The following MSH4 variants were observed in gnomAD, a reference collection of about 807,000 sequenced individuals.
MSH4 encodes the protein mutS homolog 4.
A neutral mutation model predicts 113.7 loss-of-function variants in MSH4; 106 were observed. The observed-to-expected ratio is 0.93, with a 90% CI of 0.80 to 1.10. MSH4 has a LOEUF of 1.10. MSH4 is among the 50% of genes least tolerant of loss of function. The pLI, the probability that MSH4 is intolerant of heterozygous loss-of-function variation, is 0.00. For synonymous variants in MSH4, 368 were observed against 380.2 expected (o/e 0.97, Z 0.37); for missense variants, 1,061 against 1,093.7 (o/e 0.97, Z 0.42).
intron 6 of MSH4, among the ~76,000 whole-genome samples, chr1:75,817,359 T>C (rs574827811): frequency 1.3e-5 from 1 of 77,140 alleles, no homozygotes; most frequent in East Asian, 3.3e-4. Context: ...CATTAGGTTA[T>C]AGGTTAAAAT....
At chr1:75,862,248 G>A (rs115243667) in intron 8 of MSH4, among the ~76,000 whole-genome samples, 2,777 of 152,306 alleles carry the variant, frequency 0.018, 50 homozygotes, top group Non-Finnish European at 0.03. Flanking sequence ...TCCGGGTGAG[G>A]TGATGCCCTG....
intron 5 of MSH4, among the ~76,000 whole-genome samples, chr1:75,815,862 C>T (rs1454763474): frequency 2.0e-5 from 3 of 151,878 alleles, no homozygotes; most frequent in African/African-American, 7.3e-5. Flanking sequence ...ACAAAAATTA[C>T]CTGGGTGTGG....
intron 15 of MSH4, among the ~76,000 whole-genome samples, chr1:75,884,676 GAT>G (rs1182924164): frequency 6.6e-6 from 1 of 151,930 alleles, no homozygotes; most frequent in Non-Finnish European, 1.5e-5. Flanking sequence ...TTGAGCCCAA[GAT>G]ACTAGTAGTG....
intron 17 of MSH4, among the ~76,000 whole-genome samples, chr1:75,894,167 C>G (rs1314427497): frequency 6.6e-6 from 1 of 152,130 alleles, no homozygotes; most frequent in Non-Finnish European, 1.5e-5. Context: ...ACTGCAGGCA[C>G]TGAATTGGGA....
intron 4 of MSH4, 86 bp from the exon 5 acceptor site, chr1:75,814,935 A>G: frequency 1.4e-6 from 1 of 696,608 alleles, no homozygotes; most frequent in Non-Finnish European, 2.5e-6. Context: ...TATTTAAGCC[A>G]CTTACCTAGC....
intron 15 of MSH4, among the ~76,000 whole-genome samples, chr1:75,884,391 A>G (rs1188308262): frequency 6.6e-6 from 1 of 152,064 alleles, no homozygotes; most frequent in Non-Finnish European, 1.5e-5. Context: ...CTTAACTCCT[A>G]ATTCTGAAAA....
intron 2 of MSH4, among the ~76,000 whole-genome samples, chr1:75,805,919 A>C (rs988177131): frequency 5.9e-5 from 9 of 152,132 alleles, no homozygotes; most frequent in Middle Eastern, 3.4e-3. Context: ...GTATTGGTTA[A>C]TTTATTGGTT....
rs766668717 is a variant in MSH4, at chr1:75,797,168, C to G, written c.183C>G (p.Gly61=). 6.2e-7 allele frequency: 1 copy of G among 1,611,108 alleles called. No individual in the cohort carries two copies. Among genetic ancestry groups the G allele is most frequent in the Middle Eastern group, 1.7e-4 (1 of 6,052 alleles). ...STCPGTSGAA[G]DRSSSSSSLP... is the part of the protein sequence containing the mutation. ...GTCCTGGCACGTCAGGAGCTGCGGG[C>G]GACCGGAGCAGCAGCAGCAGCAGCC... Residue 61 remains glycine, a synonymous_variant, in exon 1 of 20, where the codon GGC becomes GGG. Transcript: ENST00000263187.
At chr1:75,900,752 A>G (rs1652490320) in intron 19 of MSH4, among the ~76,000 whole-genome samples, 1 of 151,928 alleles carries the variant, frequency 6.6e-6, no homozygotes, top group Non-Finnish European at 1.5e-5. Flanking sequence ...AAGTTCCTCT[A>G]CTGTCTCTGT....
chr1:75,885,860 G>A lies in MSH4; in HGVS notation c.2107+2039G>A, dbSNP rs1172690490. On this transcript the variant is annotated intron_variant, in intron 15 of 19. Coordinates refer to ENST00000263187, the MANE Select transcript of MSH4 (RefSeq NM_002440.4). ...TTATATATTATATAGTATATGTAAT[G>A]TATTATATGTATTATATAGTATATA... is the stretch of plus-strand genomic sequence containing the variant. Among the ~76,000 whole-genome samples the A allele has an allele frequency of 1.7e-4, 22 of 127,230 alleles. 1 individual carries two copies. The highest frequency in any genetic ancestry group is 5.5e-4 in the African/African-American group (19 of 34,244). 83.5% of individuals were successfully genotyped at this position (127,230 alleles called of 152,430 possible).
At chr1:75,835,950 T>C (rs1346726405) in intron 7 of MSH4, among the ~76,000 whole-genome samples, 2 of 152,162 alleles carry the variant, frequency 1.3e-5, no homozygotes, top group Non-Finnish European at 2.9e-5. Context: ...GGAGTTCACC[T>C]TTTGCTGGTC....
At position 75,874,890 on chromosome 1, in the gene MSH4, G is replaced by A. The variant is rs570065265; in HGVS notation, c.1306-2046G>A. ...CTGGAAGAACTGGGTGTTAAAGTTT[G>A]TATTTATTTATTTATTATTTGAGAT... is the stretch of plus-strand genomic sequence containing the variant. On this transcript the variant is annotated intron_variant, in intron 9 of 19. Transcript: ENST00000263187. Among the ~76,000 whole-genome samples the A allele has an allele frequency of 2.0e-5, 3 of 152,122 alleles. No individual in the cohort carries two copies. The South Asian group carries it at 6.2e-4, about 32-fold the overall frequency.
chr1:75,832,381 T>C (rs1650718431), intron 7 of MSH4, among the ~76,000 whole-genome samples: 1 of 152,154 alleles, frequency 6.6e-6, no homozygotes, highest in South Asian at 2.1e-4. Flanking sequence ...TACCATTCCC[T>C]CTGAAATTAT....
chr1:75,826,658 G>T, intron 7 of MSH4, among the ~76,000 whole-genome samples: 1 of 152,038 alleles, frequency 6.6e-6, no homozygotes, highest in East Asian at 1.9e-4. Context: ...CTGGTACATT[G>T]TCTCTTTGTT....
intron 17 of MSH4, among the ~76,000 whole-genome samples, chr1:75,891,443 T>G (rs1368498631): frequency 6.6e-6 from 1 of 152,068 alleles, no homozygotes; most frequent in Non-Finnish European, 1.5e-5. Flanking sequence ...TAATGATTTA[T>G]TTATTTTTAT....
At chr1:75,820,155 T>A (rs1189794878) in intron 6 of MSH4, among the ~76,000 whole-genome samples, 2 of 152,204 alleles carry the variant, frequency 1.3e-5, no homozygotes, top group Admixed American at 6.5e-5. Flanking sequence ...AAGGATATAT[T>A]ATTAATATCT....
At chr1:75,836,505 C>T (rs1308010621) in intron 7 of MSH4, among the ~76,000 whole-genome samples, 1 of 151,944 alleles carries the variant, frequency 6.6e-6, no homozygotes, top group African/African-American at 2.4e-5. Context: ...CACTATGTTG[C>T]CCAGGCTTGG....
intron 2 of MSH4, among the ~76,000 whole-genome samples, chr1:75,806,403 A>G (rs1650062097): frequency 6.6e-6 from 1 of 151,614 alleles, no homozygotes; most frequent in African/African-American, 2.4e-5. Flanking sequence ...ACCTGCCACC[A>G]CGCCTGGCTA....
At chr1:75,798,328 C>G (rs1199327312) in intron 1 of MSH4, among the ~76,000 whole-genome samples, 1 of 152,076 alleles carries the variant, frequency 6.6e-6, no homozygotes, top group Non-Finnish European at 1.5e-5. Context: ...TCCACTTGCC[C>G]CTGTTTTTCT....
Sources: gnomAD v4.1 joint callset for allele counts (sites outside exome capture counted in the v4.1 genomes callset) on GRCh38, gnomAD v4.1.1 for gene constraint, MANE v1.5 for transcripts, NCBI Gene and HGNC (gene_info 2026-07-23, HGNC 2026-07-21) for gene names.